Variants in ACYP2 observed in about 807,000 individuals in gnomAD.
The protein encoded by ACYP2 is acylphosphatase-2.
Under a neutral mutation model 11.2 loss-of-function variants are expected in ACYP2, and 12 were observed. The ratio of observed to expected loss-of-function variants is 1.08; its 90% CI spans 0.69 to 1.74. The LOEUF (loss-of-function observed/expected upper bound fraction) is 1.74, where lower values mean the gene tolerates loss of function less well. ACYP2 is among the 40% of genes most tolerant of loss of function. ACYP2 has a pLI of 0.00. For synonymous variants in ACYP2, 43 were observed against 32.2 expected (o/e 1.33, Z -1.13); for missense variants, 134 against 101.9 (o/e 1.31, Z -1.35).
chr2:54,235,333 C>G (rs1352531655), intron 6 of ACYP2, among the ~76,000 whole-genome samples: 3 of 151,624 alleles, frequency 2.0e-5, no homozygotes, highest in African/African-American at 7.3e-5. Context: ...CTCCTAGACT[C>G]ACAAGTTTTT....
At chr2:54,240,447 G>T (rs1686684097) in intron 6 of ACYP2, among the ~76,000 whole-genome samples, 2 of 152,230 alleles carry the variant, frequency 1.3e-5, no homozygotes, top group South Asian at 4.2e-4. Flanking sequence ...GTAGCCTGGA[G>T]AACTCATTCT....
intron 3 of ACYP2, among the ~76,000 whole-genome samples, chr2:54,055,218 G>T (rs368896671): frequency 6.0e-4 from 91 of 152,088 alleles, no homozygotes; most frequent in African/African-American, 2.1e-3. Context: ...TGTATTTTTA[G>T]TAGAGATGGG....
intron 4 of ACYP2, among the ~76,000 whole-genome samples, chr2:54,115,240 T>C (rs1017882978): frequency 6.6e-6 from 1 of 152,242 alleles, no homozygotes; most frequent in African/African-American, 2.4e-5. Context: ...GATGTAATCA[T>C]TTCACAATGC....
chr2:54,171,214 C>T (rs575413537), intron 6 of ACYP2, among the ~76,000 whole-genome samples: 58 of 152,258 alleles, frequency 3.8e-4, no homozygotes, highest in African/African-American at 1.3e-3. Context: ...GCTGGCCTTC[C>T]TTCGTGTCTG....
At chr2:54,013,255 ATG>A (rs60289014) in intron 2 of ACYP2, among the ~76,000 whole-genome samples, 14,507 of 116,878 alleles carry the variant, frequency 0.12, 1,291 homozygotes, top group Middle Eastern at 0.16. Flanking sequence ...ACCATCTAAT[ATG>A]TGTGTGTGTG....
At chr2:54,268,194 G>C (rs879725854) in intron 6 of ACYP2, among the ~76,000 whole-genome samples, 2 of 152,096 alleles carry the variant, frequency 1.3e-5, no homozygotes, top group African/African-American at 4.8e-5. Context: ...ATTTTCAAAA[G>C]TTTAAATATG....
chr2:54,242,626 T>C (rs1248867496), intron 6 of ACYP2, among the ~76,000 whole-genome samples: 1 of 152,238 alleles, frequency 6.6e-6, no homozygotes, highest in Non-Finnish European at 1.5e-5. Flanking sequence ...CTATACCTTT[T>C]TTATGTTTAG....
chr2:54,199,424 C>T (rs1265992520), intron 6 of ACYP2, among the ~76,000 whole-genome samples: 1 of 152,208 alleles, frequency 6.6e-6, no homozygotes, highest in African/African-American at 2.4e-5. Context: ...GACAGCAGAG[C>T]ATCAGACTAA....
intron 4 of ACYP2, among the ~76,000 whole-genome samples, chr2:54,094,876 GT>G (rs979736300): frequency 4.7e-5 from 7 of 150,052 alleles, no homozygotes; most frequent in African/African-American, 9.8e-5. Context: ...TTTTTAATCT[GT>G]TTTTTTTTAA....
At chr2:54,058,224 C>G (rs1321455019) in intron 4 of ACYP2, among the ~76,000 whole-genome samples, 1 of 149,278 alleles carries the variant, frequency 6.7e-6, no homozygotes, top group Non-Finnish European at 1.5e-5. Context: ...CTCATTGGTT[C>G]TTTTTGGGGG....
intron 6 of ACYP2, among the ~76,000 whole-genome samples, chr2:54,223,556 G>A (rs1421557756): frequency 6.6e-6 from 1 of 152,142 alleles, no homozygotes; most frequent in Non-Finnish European, 1.5e-5. Context: ...TAAATTGTCT[G>A]AAGCACTTGA....
At chr2:54,253,516 T>C (rs907623460) in intron 6 of ACYP2, 1 of 152,218 alleles carries the variant, frequency 6.6e-6, no homozygotes, top group Non-Finnish European at 1.5e-5. Flanking sequence ...GCAGTGTTTC[T>C]TCAAAGAACC....
chr2:54,097,775 T>C (rs1376448654), intron 4 of ACYP2, among the ~76,000 whole-genome samples: 3 of 152,092 alleles, frequency 2.0e-5, no homozygotes, highest in African/African-American at 7.2e-5. Flanking sequence ...CCTGTATCTA[T>C]AACTGCAAAA....
At chr2:54,109,226 A>G (rs1679328339) in intron 4 of ACYP2, among the ~76,000 whole-genome samples, 1 of 152,238 alleles carries the variant, frequency 6.6e-6, no homozygotes, top group East Asian at 1.9e-4. Context: ...AATACTACTC[A>G]GCCATAAAAA....
intron 4 of ACYP2, among the ~76,000 whole-genome samples, chr2:54,085,712 A>G (rs558079355): frequency 6.6e-6 from 1 of 152,178 alleles, no homozygotes; most frequent in Non-Finnish European, 1.5e-5. Context: ...GGAAAAAGAG[A>G]TAGAGATGTG....
chr2:54,120,911 G>A (rs1680113548), intron 4 of ACYP2, among the ~76,000 whole-genome samples: 1 of 152,138 alleles, frequency 6.6e-6, no homozygotes, highest in Non-Finnish European at 1.5e-5. Flanking sequence ...TCCAGAAAGT[G>A]TTACACTGTC....
chr2:54,290,736 G>C (rs1327321678), intron 6 of ACYP2, among the ~76,000 whole-genome samples: 1 of 152,088 alleles, frequency 6.6e-6, no homozygotes, highest in African/African-American at 2.4e-5. Flanking sequence ...GAGAGATCAG[G>C]GTGAGGGTGA....
In ACYP2 at chr2:54,042,794, A is replaced by G. The variant is rs775439232; in HGVS notation, c.63-8164A>G. Among the ~76,000 whole-genome samples the G allele has an allele frequency of 4.1e-4, 62 of 152,220 alleles. 1 individual carries two copies. The highest frequency in any genetic ancestry group is 4.0e-4 in the Non-Finnish European group (27 of 68,032). ...CCATCTGTCCTTGGCCAGGGAAAAC[A>G]TATTTACAATGCAGACTCTCGTTTC... is the stretch of plus-strand genomic sequence containing the variant. On this transcript the variant is annotated intron_variant, in intron 2 of 6. Transcript: ENST00000607452.
chr2:54,004,368 T>C (rs112375593), intron 2 of ACYP2, among the ~76,000 whole-genome samples: 1 of 151,694 alleles, frequency 6.6e-6, no homozygotes, highest in African/African-American at 2.4e-5. Flanking sequence ...CATCTGTGTA[T>C]CTTCTTTGGT....
Sources: gnomAD v4.1 joint callset for allele counts (sites outside exome capture counted in the v4.1 genomes callset) on GRCh38, gnomAD v4.1.1 for gene constraint, MANE v1.5 for transcripts, NCBI Gene and HGNC (gene_info 2026-07-23, HGNC 2026-07-21) for gene names.